APOBEC1: variants seen among roughly 807,000 people sequenced by gnomAD.
APOBEC1 encodes apolipoprotein B mRNA editing enzyme catalytic subunit 1, also known as C->U-editing enzyme APOBEC-1.
APOBEC1 carries 22 observed loss-of-function variants against 26.3 expected under a neutral mutation model. The ratio of observed to expected loss-of-function variants is 0.84; its 90% CI spans 0.60 to 1.19. The LOEUF (loss-of-function observed/expected upper bound fraction) is 1.19, where lower values mean the gene tolerates loss of function less well. Ranked by LOEUF, APOBEC1 falls within the 50% of genes most tolerant of loss-of-function variation. APOBEC1 has a pLI of 0.00. For missense variants in APOBEC1, 253 were observed against 289.0 expected, an observed-to-expected ratio of 0.88 and a Z score of 0.90; for synonymous variants, 77 against 95.3, an observed-to-expected ratio of 0.81 and a Z score of 1.12.
At chr12:7,654,944 C>T (rs1863692527) in intron 1 of APOBEC1, among the ~76,000 whole-genome samples, 1 of 152,180 alleles carries the variant, frequency 6.6e-6, no homozygotes, top group South Asian at 2.1e-4. Context: ...TGCGGTGGCT[C>T]ACGCCTGTAA....
chr12:7,665,946 G>A, upstream of APOBEC1: 9 of 1,549,032 alleles, frequency 5.8e-6, no homozygotes, highest in South Asian at 1.1e-5. Context: ...GTTGCTTCAG[G>A]TGTGCCCACT....
Position 7,652,704 on chromosome 12 carries a change from G to A in APOBEC1, c.176C>T (p.Thr59Ile), listed in dbSNP as rs1863660720. 6.2e-7 allele frequency: 1 copy of A among 1,614,090 alleles called. No homozygotes were observed. The highest frequency in any genetic ancestry group is 8.5e-7 in the Non-Finnish European group (1 of 1,180,026). The stretch of plus-strand genomic sequence containing the variant: ...TATAAAATTAACTTCCACGTGATTG[G>A]TGGTGTTTTTGCCTGAGCTTCGCCA... Reference protein sequence around the residue: ...KIWRSSGKNTTNHVEVNFIKK... With the variant: ...KIWRSSGKNTINHVEVNFIKK... The change falls in exon 3 of 5, where the codon ACC (threonine) becomes ATC (isoleucine). Residue 59 changes from threonine (T) to isoleucine (I), a missense_variant. Coordinates refer to ENST00000229304, the MANE Select transcript of APOBEC1 (RefSeq NM_001644.5).
chr12:7,665,039 A>G (rs747656339), intron 1 of APOBEC1, among the ~76,000 whole-genome samples: 1 of 152,276 alleles, frequency 6.6e-6, no homozygotes, highest in African/African-American at 2.4e-5. Flanking sequence ...CCCACCCGCT[A>G]GTCTCTAAAA....
intron 1 of APOBEC1, among the ~76,000 whole-genome samples, chr12:7,657,162 C>A (rs1863727536): frequency 6.6e-6 from 1 of 151,914 alleles, no homozygotes; most frequent in African/African-American, 2.4e-5. Flanking sequence ...GGCATCCCAG[C>A]CAGAATCATT....
chr12:7,670,251 T>C (rs2136863833), upstream of APOBEC1, among the ~76,000 whole-genome samples: 1 of 139,250 alleles, frequency 7.2e-6, no homozygotes, highest in South Asian at 2.5e-4. Flanking sequence ...CCCAAAGTGC[T>C]GGGATTACCA....
At chr12:7,665,805 A>G in intron 1 of APOBEC1, 52 bp downstream of exon 1, 1 of 1,376,490 alleles carries the variant, frequency 7.3e-7, no homozygotes, top group Non-Finnish European at 1.0e-6. Flanking sequence ...ACACACACAC[A>G]CCATTCTTGC....
At chr12:7,664,685 C>A (rs1489126331) in intron 1 of APOBEC1, among the ~76,000 whole-genome samples, 5 of 152,108 alleles carry the variant, frequency 3.3e-5, no homozygotes, top group African/African-American at 1.2e-4. Flanking sequence ...GAGGCCGAGG[C>A]TAGTGGATCA....
chr12:7,653,951 C>T (rs1187355325), intron 2 of APOBEC1, among the ~76,000 whole-genome samples: 1 of 152,164 alleles, frequency 6.6e-6, no homozygotes, highest in Non-Finnish European at 1.5e-5. Context: ...GGTTAAGTCA[C>T]AAGCTTATTA....
chr12:7,655,104 G>A (rs1401364834), intron 1 of APOBEC1, among the ~76,000 whole-genome samples: 2 of 152,176 alleles, frequency 1.3e-5, no homozygotes, highest in Non-Finnish European at 2.9e-5. Context: ...AGCTACTCGG[G>A]TGGCTGAGGC....
intron 1 of APOBEC1, among the ~76,000 whole-genome samples, chr12:7,655,994 T>TTTA (rs1337215442): frequency 6.6e-6 from 1 of 152,070 alleles, no homozygotes; most frequent in Non-Finnish European, 1.5e-5. Context: ...AAATTAAAAT[T>TTTA]TTATTTCATT....
rs779719909 is a variant in APOBEC1 at position 7,651,859 on chromosome 12, C to T, written c.442+579G>A. Among the ~76,000 whole-genome samples the T allele has an allele frequency of 4.0e-5, 6 of 151,618 alleles. 1 individual carries two copies. The East Asian group carries it at 9.9e-4, about 25-fold the overall frequency. On this transcript the variant is annotated intron_variant, in intron 3 of 4. Coordinates refer to ENST00000229304, the MANE Select transcript of APOBEC1 (RefSeq NM_001644.5). ...ATCTTGAGACGGAGTCTCGCTCTGT[C>T]GCCCAGGCTGGAGTGCAGTGGCGCG...
In APOBEC1 at chr12:7,654,416, G is replaced by A. The variant is rs770317987; in HGVS notation, c.44+189C>T. 1.3e-4 allele frequency among the ~76,000 whole-genome samples: 17 copies of A among 129,950 alleles called. No individual in the cohort carries two copies. The East Asian group carries it at 1.4e-3, about 11-fold the overall frequency. The allele number at this position is 129,950 out of a possible 152,430, so 85.3% of individuals were successfully genotyped here. A position where few individuals can be genotyped will look rare whatever the true frequency, so the allele number is the denominator to read the frequency against. On this transcript the variant is annotated intron_variant, in intron 2 of 4. Coordinates refer to ENST00000229304, the MANE Select transcript of APOBEC1 (RefSeq NM_001644.5). Reference sequence around the variant, plus strand: ...AGACAGGGTCTCAGTCTGTTACCCCGGCTGCAGTGCAGTGGTGCAATCATA... The same window carrying A: ...AGACAGGGTCTCAGTCTGTTACCCCAGCTGCAGTGCAGTGGTGCAATCATA...
chr12:7,655,163 C>T (rs1334243673), intron 1 of APOBEC1, among the ~76,000 whole-genome samples: 4 of 151,820 alleles, frequency 2.6e-5, no homozygotes, highest in Admixed American at 6.6e-5. Flanking sequence ...GAGCCAAGAT[C>T]GCACCATTGC....
chr12:7,654,508 G>T, intron 2 of APOBEC1, 97 bp downstream of exon 2: 1 of 1,285,476 alleles, frequency 7.8e-7, no homozygotes, highest in Non-Finnish European at 1.1e-6. Context: ...CTCCTGAGTA[G>T]CTGGGATTAT....
At chr12:7,662,547 C>T (rs913422402) in intron 1 of APOBEC1, among the ~76,000 whole-genome samples, 12 of 152,126 alleles carry the variant, frequency 7.9e-5, no homozygotes, top group East Asian at 3.9e-4. Flanking sequence ...CACACCATTG[C>T]ACTCTAGCCT....
At chr12:7,654,009 A>G (rs955895998) in intron 2 of APOBEC1, among the ~76,000 whole-genome samples, 2 of 152,214 alleles carry the variant, frequency 1.3e-5, no homozygotes, top group African/African-American at 4.8e-5. Flanking sequence ...TTCATTTACT[A>G]CATAGATCAA....
chr12:7,665,998 G>A, upstream of APOBEC1: 6 of 959,482 alleles, frequency 6.3e-6, no homozygotes, highest in Admixed American at 1.7e-5. Flanking sequence ...CCGCATCTCA[G>A]GCAGTTATGG....
At chr12:7,655,860 C>T (rs972868330) in intron 1 of APOBEC1, among the ~76,000 whole-genome samples, 6 of 152,092 alleles carry the variant, frequency 3.9e-5, no homozygotes, top group Admixed American at 3.9e-4. Flanking sequence ...TTAGCACACA[C>T]CTGTGGCTAC....
chr12:7,651,871 A>AGT (rs1304378867), intron 3 of APOBEC1, among the ~76,000 whole-genome samples: 1 of 151,082 alleles, frequency 6.6e-6, no homozygotes, highest in Non-Finnish European at 1.5e-5. Context: ...CCCAGGCTGG[A>AGT]GTGCAGTGGC....
Sources: gnomAD v4.1 joint callset for allele counts (sites outside exome capture counted in the v4.1 genomes callset) on GRCh38, gnomAD v4.1.1 for gene constraint, MANE v1.5 for transcripts, NCBI Gene and HGNC (gene_info 2026-07-23, HGNC 2026-07-21) for gene names.